SPIN1: variants seen among roughly 807,000 people sequenced by gnomAD.
SPIN1 encodes the protein spindlin 1.
In SPIN1, 3 loss-of-function variants were observed where a neutral mutation model predicts 26.0. The observed-to-expected ratio is 0.12, with a 90% CI of 0.05 to 0.30. The LOEUF (loss-of-function observed/expected upper bound fraction) is 0.30. Ranked by LOEUF, SPIN1 falls within the 10% of genes least tolerant of loss-of-function variation. The pLI is 1.00. For synonymous variants in SPIN1, 101 were observed against 116.5 expected, an observed-to-expected ratio of 0.87 and a Z score of 0.86; for missense variants, 126 against 333.4, an observed-to-expected ratio of 0.38 and a Z score of 4.84.
In SPIN1 at chr9:88,475,136, A is replaced by G. The variant is rs568100174; in HGVS notation, c.648A>G (p.Lys216=). 1 of 1,612,840 alleles carries G rather than the reference A, an allele frequency of 6.2e-7. No individual in the cohort carries two copies. The highest frequency in any genetic ancestry group is 1.1e-5 in the South Asian group (1 of 90,972). The part of the protein sequence containing the change: ...PGEVVDSLVG[K]QVEYAKEDGS... ...AAGTTGTGGACAGCCTGGTAGGCAAACAAGTGGAATATGCCAAAGAAGATG... is the reference window on the plus strand; with the variant it reads ...AAGTTGTGGACAGCCTGGTAGGCAAGCAAGTGGAATATGCCAAAGAAGATG... The change falls in exon 6 of 6, where the codon AAA becomes AAG. Residue 216 remains lysine (K), a synonymous_variant. Coordinates refer to ENST00000375859, the MANE Select transcript of SPIN1 (RefSeq NM_006717.3).
chr9:88,447,707 C>G (rs1284500578), intron 2 of SPIN1, among the ~76,000 whole-genome samples: 1 of 152,190 alleles, frequency 6.6e-6, no homozygotes, highest in Non-Finnish European at 1.5e-5. Flanking sequence ...CTGAGTAGAT[C>G]CCTTCTTGCC....
At chr9:88,410,842 C>G in intron 1 of SPIN1, 1 of 918,458 alleles carries the variant, frequency 1.1e-6, no homozygotes, top group Non-Finnish European at 1.8e-6. Flanking sequence ...CCCACTGAAA[C>G]CACCTCCACG....
intron 1 of SPIN1, among the ~76,000 whole-genome samples, chr9:88,392,046 C>G (rs890920438): frequency 6.6e-6 from 1 of 152,146 alleles, no homozygotes; most frequent in African/African-American, 2.4e-5. Context: ...GGGATAAAAC[C>G]TATGGTGTAA....
At position 88,409,358 on chromosome 9, in the gene SPIN1, C is replaced by G. The variant is rs185329405; in HGVS notation, c.-158-17024C>G. Among the ~76,000 whole-genome samples the G allele has an allele frequency of 2.2e-3, 337 of 151,560 alleles. 1 individual carries two copies. The highest frequency in any genetic ancestry group is 2.8e-3 in the Non-Finnish European group (187 of 67,942). On this transcript the variant is annotated intron_variant, in intron 1 of 5. Transcript: ENST00000375859. ...TATTCATTTTGTCTCCTTGTTGGCT[C>G]TGTGTGTGTGTATACACACGTGCAC...
chr9:88,403,347 C>T (rs1362143761), intron 1 of SPIN1, among the ~76,000 whole-genome samples: 1 of 152,098 alleles, frequency 6.6e-6, no homozygotes, highest in Non-Finnish European at 1.5e-5. Context: ...GTCAGTTTTT[C>T]CTTAGTTCCG....
intron 5 of SPIN1, among the ~76,000 whole-genome samples, chr9:88,473,642 C>T (rs953444500): frequency 4.2e-4 from 52 of 124,196 alleles, no homozygotes; most frequent in African/African-American, 2.2e-3. Flanking sequence ...ATTCTCCAAA[C>T]TTGTGTGTGT....
chr9:88,389,847 T>C (rs1172687996), intron 1 of SPIN1, among the ~76,000 whole-genome samples: 1 of 152,240 alleles, frequency 6.6e-6, no homozygotes, highest in Non-Finnish European at 1.5e-5. Flanking sequence ...CTGGATATAC[T>C]GAGTTTTTTT....
At chr9:88,430,883 CTTTTTTT>C (rs906131135) in intron 2 of SPIN1, among the ~76,000 whole-genome samples, 2 of 132,062 alleles carry the variant, frequency 1.5e-5, no homozygotes, top group Non-Finnish European at 1.6e-5. Flanking sequence ...TATATTTTTT[CTTTTTTT>C]TTTTTTTTTG....
chr9:88,431,750 T>C (rs887290666), intron 2 of SPIN1, among the ~76,000 whole-genome samples: 2 of 152,332 alleles, frequency 1.3e-5, no homozygotes, highest in Middle Eastern at 3.4e-3. Context: ...GCTTTCAATC[T>C]TCAGATTAAT....
chr9:88,449,806 C>T (rs1587806793), intron 3 of SPIN1, among the ~76,000 whole-genome samples: 1 of 152,086 alleles, frequency 6.6e-6, no homozygotes, highest in African/African-American at 2.4e-5. Context: ...AGAAGACACT[C>T]CTTGACCATC....
chr9:88,451,269 A>AG (rs1828347079), intron 3 of SPIN1, among the ~76,000 whole-genome samples: 1 of 152,146 alleles, frequency 6.6e-6, no homozygotes. Flanking sequence ...GGGGTGCCCG[A>AG]GAAAGAACCT....
At chr9:88,452,933 A>G (rs1452476000) in intron 3 of SPIN1, among the ~76,000 whole-genome samples, 1 of 152,216 alleles carries the variant, frequency 6.6e-6, no homozygotes, top group Non-Finnish European at 1.5e-5. Context: ...ACAACCTAGT[A>G]TACAGTGTAT....
intron 3 of SPIN1, among the ~76,000 whole-genome samples, chr9:88,449,438 A>G (rs1828315993): frequency 6.6e-6 from 1 of 152,116 alleles, no homozygotes; most frequent in Non-Finnish European, 1.5e-5. Context: ...GTTTTATAGC[A>G]TTTTTAAATG....
At chr9:88,415,778 C>G (rs1486552425) in intron 1 of SPIN1, 2 of 152,148 alleles carry the variant, frequency 1.3e-5, no homozygotes, top group East Asian at 1.9e-4. Context: ...GAGTCTAGCT[C>G]TGTCGCTCAG....
In SPIN1 at chr9:88,470,600, CCT is replaced by C. The variant is rs559707880; in HGVS notation, c.589+1996_589+1997del. On this transcript the variant is annotated intron_variant, in intron 5 of 5. Transcript: ENST00000375859. ...CTTTCATATGCTTATTGGCCCCCCC[CCT>C]TTTTTTTTTTGAGACAGAGTCTTGC... Among the ~76,000 whole-genome samples the C allele has an allele frequency of 9.3e-3, 1,210 of 129,980 alleles. 16 individuals are homozygous for C. Among genetic ancestry groups the C allele is most frequent in the African/African-American group, 0.049 (1,077 of 22,002 alleles). 85.3% of individuals were successfully genotyped at this position (129,980 alleles called of 152,430 possible). A position where few individuals can be genotyped will look rare whatever the true frequency, so the allele number is the denominator to read the frequency against.
intron 1 of SPIN1, among the ~76,000 whole-genome samples, chr9:88,416,304 C>T (rs944114523): frequency 6.6e-6 from 1 of 151,980 alleles, no homozygotes; most frequent in Admixed American, 6.6e-5. Flanking sequence ...CTAAACCATC[C>T]TTTCTTACCC....
At chr9:88,441,472 C>G (rs983411877) in intron 2 of SPIN1, among the ~76,000 whole-genome samples, 4 of 142,646 alleles carry the variant, frequency 2.8e-5, no homozygotes, top group African/African-American at 1.1e-4. Context: ...AGAAAAAAGG[C>G]CAGGCCAGTA....
intron 2 of SPIN1, among the ~76,000 whole-genome samples, chr9:88,446,482 C>T (rs1828254158): frequency 6.7e-6 from 1 of 148,952 alleles, no homozygotes; most frequent in African/African-American, 2.5e-5. Flanking sequence ...TCTCGGCTTA[C>T]TGCAACCTCC....
chr9:88,417,901 T>G (rs1351797178), intron 1 of SPIN1, among the ~76,000 whole-genome samples: 3 of 152,188 alleles, frequency 2.0e-5, no homozygotes, highest in Non-Finnish European at 4.4e-5. Context: ...GTGTATTTGC[T>G]AGATTACCAT....
Sources: allele counts gnomAD v4.1 joint callset (sites outside exome capture counted in the v4.1 genomes callset), GRCh38; gene constraint gnomAD v4.1.1; transcripts MANE v1.5; gene names NCBI Gene and HGNC (gene_info 2026-07-23, HGNC 2026-07-21).